Variants in KHDRBS2 observed in about 807,000 individuals in gnomAD.
The protein encoded by KHDRBS2 is KH domain-containing, RNA-binding, signal transduction-associated protein 2.
A neutral mutation model predicts 44.3 loss-of-function variants in KHDRBS2; 26 were observed. That is an observed-to-expected ratio of 0.59 (90% CI 0.43 to 0.81). KHDRBS2 has a LOEUF of 0.81. Ranked by LOEUF, KHDRBS2 falls within the 40% of genes least tolerant of loss-of-function variation. The pLI, the probability that KHDRBS2 is intolerant of heterozygous loss-of-function variation, is 0.00. For missense variants in KHDRBS2, 476 were observed against 433.1 expected (o/e 1.10, Z -0.88); for synonymous variants, 194 against 151.1 (o/e 1.28, Z -2.08).
intron 7 of KHDRBS2, among the ~76,000 whole-genome samples, chr6:61,730,517 T>C (rs749608677): frequency 6.6e-5 from 10 of 152,092 alleles, no homozygotes; most frequent in Non-Finnish European, 1.2e-4. Context: ...ATAGGGGACA[T>C]GTACACAAAT....
At chr6:62,194,307 C>T (rs1478380837) in intron 1 of KHDRBS2, among the ~76,000 whole-genome samples, 1 of 151,696 alleles carries the variant, frequency 6.6e-6, no homozygotes, top group East Asian at 1.9e-4. Flanking sequence ...GTCCTACCAC[C>T]ACTTGTTGAA....
intron 7 of KHDRBS2, among the ~76,000 whole-genome samples, chr6:61,732,126 A>G (rs1774555485): frequency 6.6e-6 from 1 of 152,126 alleles, no homozygotes; most frequent in Non-Finnish European, 1.5e-5. Flanking sequence ...TTCATCATAT[A>G]TAAATAACAT....
intron 6 of KHDRBS2, among the ~76,000 whole-genome samples, chr6:61,790,802 C>G (rs1219885018): frequency 6.6e-6 from 1 of 151,492 alleles, no homozygotes; most frequent in Non-Finnish European, 1.5e-5. Flanking sequence ...GAATGGTTTA[C>G]CCCTTTTCTA....
chr6:62,008,376 C>A (rs1158809082), intron 3 of KHDRBS2, among the ~76,000 whole-genome samples: 2 of 151,772 alleles, frequency 1.3e-5, no homozygotes. Context: ...AAAATGAGGA[C>A]AGTAATAGTA....
intron 1 of KHDRBS2, among the ~76,000 whole-genome samples, chr6:62,220,386 T>G: frequency 6.6e-6 from 1 of 151,982 alleles, no homozygotes; most frequent in East Asian, 1.9e-4. Flanking sequence ...CAATTTTCTT[T>G]AGTAAAACAG....
At chr6:62,048,410 A>G (rs375661116) in intron 2 of KHDRBS2, among the ~76,000 whole-genome samples, 59 of 152,022 alleles carry the variant, frequency 3.9e-4, no homozygotes, top group African/African-American at 1.3e-3. Context: ...AAAATTGTAA[A>G]AGTTTGCAAT....
At chr6:62,003,682 G>A (rs1778688589) in intron 3 of KHDRBS2, among the ~76,000 whole-genome samples, 1 of 152,094 alleles carries the variant, frequency 6.6e-6, no homozygotes, top group African/African-American at 2.4e-5. Context: ...GACATCTACA[G>A]AACTCTCTAC....
chr6:61,978,067 G>A lies in KHDRBS2; in HGVS notation c.482C>T (p.Pro161Leu). 1.3e-6 allele frequency: 2 copies of A among 1,587,854 alleles called. No homozygotes were observed. The highest frequency in any genetic ancestry group is 8.5e-7 in the Non-Finnish European group (1 of 1,172,156). ...ALEEIKKFLV[P>L]DYNDEIRQEQ... is the part of the protein sequence containing the mutation. ...TTGTAAAAAATGAAAGACACTTACA[G>A]GAACCAGGAATTTTTTAATCTCTTC... Residue 161 changes from proline to leucine, a missense_variant and splice_region_variant, in exon 4 of 9, where the codon CCT becomes CTT. By Grantham distance (98) the Pro-to-Leu change is moderately conservative. Transcript: ENST00000281156.
intron 6 of KHDRBS2, among the ~76,000 whole-genome samples, chr6:61,738,028 G>T (rs1273342597): frequency 6.6e-6 from 1 of 151,894 alleles, no homozygotes; most frequent in Admixed American, 6.6e-5. Flanking sequence ...ATTGAATTAA[G>T]AAATCAAAAC....
At chr6:61,970,099 GAAAT>G (rs1015877841) in intron 4 of KHDRBS2, among the ~76,000 whole-genome samples, 2 of 151,890 alleles carry the variant, frequency 1.3e-5, no homozygotes, top group African/African-American at 4.8e-5. Flanking sequence ...TATGTAGATA[GAAAT>G]AACATAAGTG....
At chr6:61,897,390 T>A (rs903378750) in intron 5 of KHDRBS2, among the ~76,000 whole-genome samples, 5 of 152,118 alleles carry the variant, frequency 3.3e-5, no homozygotes, top group African/African-American at 1.2e-4. Flanking sequence ...AGAGAACAAG[T>A]CACCTGCCCA....
chr6:61,792,942 C>A (rs977245336), intron 6 of KHDRBS2, among the ~76,000 whole-genome samples: 1 of 151,634 alleles, frequency 6.6e-6, no homozygotes, highest in African/African-American at 2.4e-5. Flanking sequence ...TATGAAGAGC[C>A]AAGAGGGGCC....
the KHDRBS2 span, among the ~76,000 whole-genome samples, chr6:61,546,205 T>C: frequency 1.3e-5 from 2 of 151,964 alleles, no homozygotes; most frequent in Non-Finnish European, 2.9e-5. Context: ...AAGATATCTA[T>C]TACATTTCAA....
intron 1 of KHDRBS2, among the ~76,000 whole-genome samples, chr6:62,262,231 C>A (rs1374297501): frequency 1.3e-5 from 2 of 151,618 alleles, no homozygotes; most frequent in African/African-American, 2.4e-5. Flanking sequence ...AGGACACATA[C>A]CACAGTATTT....
chr6:62,230,264 A>G (rs1004363753), intron 1 of KHDRBS2, among the ~76,000 whole-genome samples: 2 of 152,228 alleles, frequency 1.3e-5, no homozygotes, highest in African/African-American at 4.8e-5. Flanking sequence ...TCTGAGTTAT[A>G]TTTAGCAGGA....
intron 1 of KHDRBS2, among the ~76,000 whole-genome samples, chr6:62,261,058 C>T (rs1361321527): frequency 6.6e-6 from 1 of 151,842 alleles, no homozygotes; most frequent in Admixed American, 6.6e-5. Context: ...GACATATTCA[C>T]TTGTATTCCA....
At chr6:61,689,495 G>A (rs1233479058) in intron 8 of KHDRBS2, among the ~76,000 whole-genome samples, 3 of 151,816 alleles carry the variant, frequency 2.0e-5, no homozygotes, top group African/African-American at 2.4e-5. Context: ...TGTGAAGTTT[G>A]GCCTATCTAT....
chr6:61,573,562 G>A, the KHDRBS2 span, among the ~76,000 whole-genome samples: 2 of 152,196 alleles, frequency 1.3e-5, no homozygotes, highest in African/African-American at 2.4e-5. Context: ...GGCCAAGGCA[G>A]GCGGATCACC....
At chr6:62,002,763 T>C (rs1174656298) in intron 3 of KHDRBS2, among the ~76,000 whole-genome samples, 2 of 151,556 alleles carry the variant, frequency 1.3e-5, no homozygotes, top group Non-Finnish European at 3.0e-5. Context: ...GTCACAAATG[T>C]CATAACACAA....
Sources: allele counts gnomAD v4.1 joint callset (sites outside exome capture counted in the v4.1 genomes callset), GRCh38; gene constraint gnomAD v4.1.1; transcripts MANE v1.5; gene names NCBI Gene and HGNC (gene_info 2026-07-23, HGNC 2026-07-21).